MMD2: variants seen among roughly 807,000 people sequenced by gnomAD.
MMD2 encodes monocyte to macrophage differentiation associated 2, also known as monocyte to macrophage differentiation factor 2.
MMD2 carries 30 observed loss-of-function variants against 33.5 expected under a neutral mutation model. The ratio of observed to expected loss-of-function variants is 0.90; its 90% CI spans 0.67 to 1.22. The LOEUF (loss-of-function observed/expected upper bound fraction) is 1.22. Ranked by LOEUF, MMD2 falls within the 50% of genes most tolerant of loss-of-function variation. The probability of loss-of-function intolerance (pLI) is 0.00; values close to 1 mark genes in which losing one functional copy is unlikely to be tolerated. For synonymous variants in MMD2, 129 were observed against 123.0 expected, an observed-to-expected ratio of 1.05 and a Z score of -0.32; for missense variants, 364 against 325.4, an observed-to-expected ratio of 1.12 and a Z score of -0.91.
At position 4,920,171 on chromosome 7, in the gene MMD2, C is replaced by A. The variant is rs1247164150; in HGVS notation, c.290G>T (p.Arg97Met). The change falls in exon 3 of 7, where the codon AGG becomes ATG. Residue 97 changes from arginine to methionine, a missense_variant and splice_region_variant. By Grantham distance (91) the Arg-to-Met change is moderately conservative. Transcript: ENST00000401401. The stretch of plus-strand genomic sequence containing the variant: ...TGGGTCCCCTCTGGGCGGGAGGCAC[C>A]TGAGGTGGCTCTTCTTCCAGGAGAT... ...HTISWKKSHL[R>M]MVEHCLHMFD... 2 of 1,558,238 alleles carry A rather than the reference C, an allele frequency of 1.3e-6. No homozygotes were observed. Among genetic ancestry groups the A allele is most frequent in the Non-Finnish European group, 1.7e-6 (2 of 1,151,514 alleles).
intron 1 of MMD2, among the ~76,000 whole-genome samples, chr7:4,933,100 G>T (rs532760288): frequency 8.6e-5 from 13 of 151,978 alleles, no homozygotes; most frequent in Non-Finnish European, 1.6e-4. Flanking sequence ...TTGTGATCAG[G>T]CACGGCAGCT....
At chr7:4,923,447 C>T (rs1166665790) in intron 2 of MMD2, among the ~76,000 whole-genome samples, 2 of 152,126 alleles carry the variant, frequency 1.3e-5, no homozygotes, top group Non-Finnish European at 2.9e-5. Context: ...CAAAGAAACA[C>T]ACTTGTCAAT....
chr7:4,925,367 A>G lies in MMD2; in HGVS notation c.129+84T>C, dbSNP rs1042967733. On this transcript the variant is annotated intron_variant, in intron 2 of 6. Coordinates refer to ENST00000401401, the MANE Select transcript of MMD2 (RefSeq NM_198403.4). ...ACCCGAGGAACAGGCCACTTAGGAC[A>G]TACGTGAAGGAGGTGACTTCCCCCA... The G allele has an allele frequency of 5.3e-6, 6 of 1,123,056 alleles. No individual in the cohort carries two copies. In the African/African-American group the frequency reaches 9.5e-5, roughly 18 times the overall value. 69.6% of individuals were successfully genotyped at this position (1,123,056 alleles called of 1,614,324 possible).
chr7:4,948,747 T>A (rs778871543), intron 1 of MMD2, among the ~76,000 whole-genome samples: 2 of 152,198 alleles, frequency 1.3e-5, no homozygotes, highest in Non-Finnish European at 2.9e-5. Context: ...GACACTTTGA[T>A]CTTGACTTCC....
Position 4,946,129 on chromosome 7 carries a change from C to T in MMD2, c.47+12842G>A, listed in dbSNP as rs1786075663. 6.7e-6 allele frequency among the ~76,000 whole-genome samples: 1 copy of T among 148,790 alleles called. No individual in the cohort carries two copies. Among genetic ancestry groups the T allele is most frequent in the Non-Finnish European group, 1.5e-5 (1 of 67,064 alleles). The stretch of plus-strand genomic sequence containing the variant: ...CACACGCGCACACGCACGCACACAC[C>T]TGCACACGCACGCACACCCACACCC... On this transcript the variant is annotated intron_variant, in intron 1 of 6. Transcript: ENST00000401401. The surrounding 1 kb of genome is among the most constrained non-coding windows in gnomAD (Gnocchi z 5.0).
At chr7:4,943,945 G>T (rs921244145) in intron 1 of MMD2, among the ~76,000 whole-genome samples, 3 of 151,484 alleles carry the variant, frequency 2.0e-5, no homozygotes, top group African/African-American at 7.3e-5. Context: ...GGGACTATAG[G>T]TGCACGCCAC....
chr7:4,907,103 G>A lies in MMD2; in HGVS notation c.*293C>T, dbSNP rs1784882518. ...TGGCCCGTCATTCCCCAATTTTCCAGGACCATGCCTGCTTCCTTTTCTGAA... is the reference window on the plus strand; with the variant it reads ...TGGCCCGTCATTCCCCAATTTTCCAAGACCATGCCTGCTTCCTTTTCTGAA... On this transcript the variant is annotated 3_prime_UTR_variant, in exon 7 of 7. Coordinates refer to ENST00000401401, the MANE Select transcript of MMD2 (RefSeq NM_198403.4). 1 of 381,772 alleles carries A rather than the reference G, an allele frequency of 2.6e-6. No homozygotes were observed. Among genetic ancestry groups the A allele is most frequent in the Non-Finnish European group, 4.8e-6 (1 of 207,486 alleles). 23.6% of individuals were successfully genotyped at this position (381,772 alleles called of 1,614,324 possible). A position where few individuals can be genotyped will look rare whatever the true frequency, so the allele number is the denominator to read the frequency against.
At chr7:4,954,669 T>C (rs1183591080) in intron 1 of MMD2, among the ~76,000 whole-genome samples, 3 of 152,150 alleles carry the variant, frequency 2.0e-5, no homozygotes, top group African/African-American at 7.2e-5. Context: ...TCCTCCCACC[T>C]CGGCCTCCCA....
chr7:4,943,225 G>A (rs1785959767), intron 1 of MMD2, among the ~76,000 whole-genome samples: 1 of 151,156 alleles, frequency 6.6e-6, no homozygotes, highest in South Asian at 2.1e-4. Context: ...TGGCCAGGCT[G>A]GTCTCAAACT....
At chr7:4,930,434 G>GT (rs1420448040) in intron 1 of MMD2, among the ~76,000 whole-genome samples, 1 of 151,744 alleles carries the variant, frequency 6.6e-6, no homozygotes, top group Non-Finnish European at 1.5e-5. Context: ...GAGGTCAGGA[G>GT]TTTAAGACCA....
rs530797727 is a variant in MMD2, at chr7:4,908,451, T to C, written c.538-852A>G. Among the ~76,000 whole-genome samples the C allele has an allele frequency of 2.0e-4, 31 of 152,184 alleles. No homozygotes were observed. In the East Asian group the frequency reaches 5.6e-3, roughly 28 times the overall value. On this transcript the variant is annotated intron_variant, in intron 6 of 6. Transcript: ENST00000401401. ...GCCACTGCGCCTGGCCTATAGCTTA[T>C]CTTTTGTAAAAATGTAATACATCTG...
At chr7:4,913,353 A>G (rs181455948) in intron 4 of MMD2, among the ~76,000 whole-genome samples, 75 of 152,314 alleles carry the variant, frequency 4.9e-4, no homozygotes, top group Admixed American at 1.9e-3. Flanking sequence ...CTGAACTTCA[A>G]ACAAATGTTT....
intron 1 of MMD2, among the ~76,000 whole-genome samples, chr7:4,958,435 A>G (rs1583408757): frequency 6.6e-6 from 1 of 152,078 alleles, no homozygotes; most frequent in Non-Finnish European, 1.5e-5. Flanking sequence ...CTATGAAAAG[A>G]CCAGGATGTA....
intron 1 of MMD2, among the ~76,000 whole-genome samples, chr7:4,947,731 G>A (rs1357857814): frequency 1.2e-5 from 1 of 80,540 alleles, no homozygotes; most frequent in African/African-American, 5.0e-5. Flanking sequence ...ACAGAATTTT[G>A]CTCTGTTGCC....
At chr7:4,895,922 C>T in the MMD2 span, among the ~76,000 whole-genome samples, 1 of 152,194 alleles carries the variant, frequency 6.6e-6, no homozygotes, top group Non-Finnish European at 1.5e-5. Context: ...GCCTGTTTAG[C>T]GTGCCCTGCT....
intron 4 of MMD2, among the ~76,000 whole-genome samples, chr7:4,911,589 T>C (rs926981708): frequency 7.9e-4 from 95 of 120,508 alleles, no homozygotes; most frequent in African/African-American, 3.4e-3. Flanking sequence ...ACCAAAGCAA[T>C]GCTGTTTTGT....
intron 1 of MMD2, among the ~76,000 whole-genome samples, chr7:4,930,206 T>C (rs1052102616): frequency 7.0e-5 from 10 of 143,862 alleles, no homozygotes; most frequent in African/African-American, 1.8e-4. Context: ...GAGGTGGAGG[T>C]TGCAGTGAGC....
At chr7:4,911,623 T>C (rs910177243) in intron 4 of MMD2, among the ~76,000 whole-genome samples, 3 of 151,314 alleles carry the variant, frequency 2.0e-5, no homozygotes, top group Non-Finnish European at 2.9e-5. Context: ...TTTTATTTCA[T>C]TTATTTTATT....
chr7:4,900,635 C>A, the MMD2 span, among the ~76,000 whole-genome samples: 4 of 152,088 alleles, frequency 2.6e-5, no homozygotes, highest in Admixed American at 1.3e-4. Context: ...CCTCCCACCC[C>A]AGCAGTGGAG....
Sources: allele counts gnomAD v4.1 joint callset (sites outside exome capture counted in the v4.1 genomes callset), GRCh38; gene constraint gnomAD v4.1.1; non-coding constraint Gnocchi (gnomAD v3.1); transcripts MANE v1.5; gene names NCBI Gene and HGNC (gene_info 2026-07-23, HGNC 2026-07-21).